Variants in SCN7A observed in about 807,000 individuals in gnomAD.
The protein encoded by SCN7A is sodium voltage-gated channel alpha subunit 7.
A neutral mutation model predicts 155.2 loss-of-function variants in SCN7A; 138 were observed. That is an observed-to-expected ratio of 0.89 (90% CI 0.77 to 1.02). The LOEUF (loss-of-function observed/expected upper bound fraction) is 1.02. Among genes scored for constraint, SCN7A ranks in the 50% least tolerant of loss-of-function variants. The pLI is 0.00. For missense variants in SCN7A, 2,058 were observed against 1,986.6 expected (o/e 1.04, Z -0.68); for synonymous variants, 693 against 649.0 (o/e 1.07, Z -1.03).
chr2:166,485,693 T>A (rs769466917), intron 2 of SCN7A, among the ~76,000 whole-genome samples: 2 of 152,110 alleles, frequency 1.3e-5, no homozygotes, highest in Non-Finnish European at 2.9e-5. Flanking sequence ...ACAACGAACA[T>A]CTTTGATTCC....
Position 166,423,355 on chromosome 2 carries a change from A to G in SCN7A, c.2931T>C (p.Tyr977=), listed in dbSNP as rs774921674. 4.3e-6 allele frequency: 7 copies of G among 1,612,116 alleles called. No homozygotes were observed. In the South Asian group the frequency reaches 5.5e-5, roughly 13 times the overall value. ...LLEYADMIFT[Y]IFILEMLLKW... is the part of the protein sequence containing the mutation. ...TTAGAAGCATTTCCAGAATGAAGAT[A>G]TAAGTAAAGATCATGTCAGCATATT... is the stretch of plus-strand genomic sequence containing the variant. The change falls in exon 19 of 26, where the codon TAT becomes TAC. Residue 977 remains tyrosine (Y), a synonymous_variant. Transcript: ENST00000643258.
intron 15 of SCN7A, among the ~76,000 whole-genome samples, chr2:166,435,422 T>A (rs1559101961): frequency 6.6e-6 from 1 of 151,630 alleles, no homozygotes; most frequent in East Asian, 1.9e-4. Context: ...ATTTTTGCGT[T>A]GAGAGAAAAG....
chr2:166,431,710 A>G lies in SCN7A; in HGVS notation c.2592+608T>C, dbSNP rs993523310. On this transcript the variant is annotated intron_variant, in intron 16 of 25. Transcript: ENST00000643258. ...GCGACTCTGATTTTTTTTTAAAGCC[A>G]GTGCGTTATAAAGCTACCAACTGTT... Among the ~76,000 whole-genome samples, 6 of 152,070 alleles carry G rather than the reference A, an allele frequency of 3.9e-5. 1 individual carries two copies. In the East Asian group the frequency reaches 1.2e-3, roughly 29 times the overall value.
intron 18 of SCN7A, 21 bp downstream of exon 18, chr2:166,427,767 A>T (rs1351196488): frequency 6.3e-7 from 1 of 1,594,544 alleles, no homozygotes; most frequent in Non-Finnish European, 8.6e-7. Context: ...AAAGTATCAA[A>T]CACCCTGGCT....
intron 10 of SCN7A, among the ~76,000 whole-genome samples, chr2:166,459,908 T>C (rs777017899): frequency 1.3e-5 from 2 of 151,930 alleles, no homozygotes; most frequent in Non-Finnish European, 1.5e-5. Context: ...TTCTCACTCA[T>C]AAATGGGAGT....
Position 166,405,611 on chromosome 2 carries a change from T to G in SCN7A, c.5018A>C (p.Lys1673Thr). Residue 1673 changes from lysine to threonine, a missense_variant, in exon 26 of 26, where the codon AAG becomes ACG. Physicochemically the swap from Lys to Thr is moderately conservative, Grantham distance 78. Coordinates refer to ENST00000643258, the MANE Select transcript of SCN7A (RefSeq NM_002976.4). Reference sequence around the variant, plus strand: ...CTGGCTTTGAATAGGTGACTTTTCCTTAGCTTTGTCAAAATAGGCACCTTC... The same window carrying G: ...CTGGCTTTGAATAGGTGACTTTTCCGTAGCTTTGTCAAAATAGGCACCTTC... The part of the protein sequence containing the change: ...TKEGAYFDKA[K>T]EKSPIQSQI 2 of 1,600,562 alleles carry G rather than the reference T, an allele frequency of 1.2e-6. No homozygotes were observed. The highest frequency in any genetic ancestry group is 1.3e-5 in the African/African-American group (1 of 74,322).
intron 11 of SCN7A, among the ~76,000 whole-genome samples, chr2:166,454,871 T>G (rs1702243029): frequency 1.3e-5 from 2 of 152,282 alleles, no homozygotes; most frequent in Non-Finnish European, 1.5e-5. Flanking sequence ...GAAAACTTCC[T>G]TAATGCTACT....
intron 2 of SCN7A, among the ~76,000 whole-genome samples, chr2:166,481,605 T>C (rs576649172): frequency 6.6e-6 from 1 of 152,252 alleles, no homozygotes; most frequent in African/African-American, 2.4e-5. Context: ...ATAACCTGTA[T>C]CTGTGTTGAT....
Position 166,461,175 on chromosome 2 carries a change from C to T in SCN7A, c.1083+1214G>A, listed in dbSNP as rs975120701. 2.7e-5 allele frequency among the ~76,000 whole-genome samples: 4 copies of T among 149,354 alleles called. No homozygotes were observed. The South Asian group carries it at 8.4e-4, about 31-fold the overall frequency. The stretch of plus-strand genomic sequence containing the variant: ...TGTGCCCCAAATATATTATATTAGC[C>T]TATCATCATTAATGACCCATATATA... On this transcript the variant is annotated intron_variant, in intron 10 of 25. Transcript: ENST00000643258.
intron 25 of SCN7A, among the ~76,000 whole-genome samples, chr2:166,407,748 T>G (rs1215967914): frequency 1.3e-5 from 2 of 151,938 alleles, no homozygotes; most frequent in Non-Finnish European, 1.5e-5. Flanking sequence ...ATCTTTGTTT[T>G]TATTTCTTCT....
chr2:166,472,802 T>G (rs1050913357), intron 5 of SCN7A, among the ~76,000 whole-genome samples: 6 of 151,958 alleles, frequency 3.9e-5, no homozygotes, highest in African/African-American at 1.4e-4. Context: ...GCCTCCAGCT[T>G]TGTTTTTTTT....
rs560243693 is a variant in SCN7A, at chr2:166,465,882, C to T, written c.770G>A (p.Gly257Glu). The T allele has an allele frequency of 6.2e-7, 1 of 1,613,822 alleles. No homozygotes were observed. The highest frequency in any genetic ancestry group is 2.2e-5 in the East Asian group (1 of 44,864). ...ATGTTTCAAGTTGCCCATGAAGAGC[C>T]CCATCCCAATTAGAGAAAATATGCT... ...FLSIFSLIGM[G>E]LFMGNLKHKC... Residue 257 changes from glycine to glutamate, a missense_variant, in exon 8 of 26, where the codon GGG becomes GAG. By Grantham distance (98) the Gly-to-Glu change is moderately conservative. Transcript: ENST00000643258.
chr2:166,476,904 C>A (rs902075709), intron 3 of SCN7A, among the ~76,000 whole-genome samples: 2 of 151,952 alleles, frequency 1.3e-5, no homozygotes, highest in Admixed American at 6.6e-5. Context: ...TGGTTCATAC[C>A]AATCTCTGAT....
Position 166,423,423 on chromosome 2 carries a change from C to G in SCN7A, c.2863G>C (p.Asp955His). The change falls in exon 19 of 26, where the codon GAT becomes CAT. Residue 955 changes from aspartate to histidine, a missense_variant. Coordinates refer to ENST00000643258, the MANE Select transcript of SCN7A (RefSeq NM_002976.4). ...LLSTGTLAFEDIYMDQRKTIK... is the reference protein window; with the variant it reads ...LLSTGTLAFEHIYMDQRKTIK... ...GTCTTTCTCTGATCCATATATATAT[C>G]TTCAAAAGCCTGTGGGTAAAAATAA... 6.5e-7 allele frequency: 1 copy of G among 1,541,172 alleles called. No individual in the cohort carries two copies. The highest frequency in any genetic ancestry group is 1.4e-5 in the African/African-American group (1 of 71,060).
At chr2:166,461,417 T>C (rs1192023432) in intron 10 of SCN7A, among the ~76,000 whole-genome samples, 2 of 152,176 alleles carry the variant, frequency 1.3e-5, no homozygotes, top group Non-Finnish European at 2.9e-5. Flanking sequence ...CATACCTTTC[T>C]GAGAAACTAT....
chr2:166,408,770 A>C (rs941308424), intron 25 of SCN7A, among the ~76,000 whole-genome samples: 2 of 152,028 alleles, frequency 1.3e-5, no homozygotes, highest in Admixed American at 1.3e-4. Flanking sequence ...TGCATAGAAT[A>C]GTGCTTGATG....
At chr2:166,408,663 T>C (rs1314902081) in intron 25 of SCN7A, among the ~76,000 whole-genome samples, 2 of 152,028 alleles carry the variant, frequency 1.3e-5, no homozygotes, top group Non-Finnish European at 2.9e-5. Context: ...ACGGTTTTTT[T>C]CAGTAGTTAG....
At position 166,405,204 on chromosome 2, in the gene SCN7A, A is replaced by G. The variant is rs1412881262; in HGVS notation, c.*376T>C. 6.0e-6 allele frequency: 1 copy of G among 167,412 alleles called. No homozygotes were observed. The highest frequency in any genetic ancestry group is 1.7e-4 in the East Asian group (1 of 5,856). 10.4% of individuals were successfully genotyped at this position (167,412 alleles called of 1,614,324 possible). A position where few individuals can be genotyped will look rare whatever the true frequency, so the allele number is the denominator to read the frequency against. ...AGTATTTGCTTATTTGTAAGTCTTA[A>G]TAGTGGTGACTTAAAGCCCATTAAA... On this transcript the variant is annotated 3_prime_UTR_variant, in exon 26 of 26. Transcript: ENST00000643258.
intron 20 of SCN7A, among the ~76,000 whole-genome samples, chr2:166,418,064 A>G (rs1337441541): frequency 6.6e-6 from 1 of 151,440 alleles, no homozygotes; most frequent in Non-Finnish European, 1.5e-5. Flanking sequence ...TAATATAATA[A>G]TATAATAGTT....
Sources: allele counts gnomAD v4.1 joint callset (sites outside exome capture counted in the v4.1 genomes callset), GRCh38; gene constraint gnomAD v4.1.1; transcripts MANE v1.5; gene names NCBI Gene and HGNC (gene_info 2026-07-23, HGNC 2026-07-21).